The following ILRUN variants were observed in gnomAD, a reference collection of about 807,000 sequenced individuals.
ILRUN encodes protein ILRUN.
In ILRUN, 3 loss-of-function variants were observed where a neutral mutation model predicts 33.8. The ratio of observed to expected loss-of-function variants is 0.09; its 90% CI spans 0.04 to 0.23. The LOEUF (loss-of-function observed/expected upper bound fraction) is 0.23, where lower values mean the gene tolerates loss of function less well. Ranked by LOEUF, ILRUN falls within the 10% of genes least tolerant of loss-of-function variation. The pLI is 1.00. For missense variants in ILRUN, 210 were observed against 375.1 expected, an observed-to-expected ratio of 0.56 and a Z score of 3.64; for synonymous variants, 124 against 138.9, an observed-to-expected ratio of 0.89 and a Z score of 0.75.
At chr6:34,591,367 C>T (rs181362753) in intron 4 of ILRUN, among the ~76,000 whole-genome samples, 138 of 152,228 alleles carry the variant, frequency 9.1e-4, no homozygotes, top group African/African-American at 3.0e-3. Context: ...TGGTGGCACA[C>T]GTCTATGATC....
At chr6:34,680,073 CTT>C (rs1289326588) in intron 1 of ILRUN, among the ~76,000 whole-genome samples, 1 of 152,250 alleles carries the variant, frequency 6.6e-6, no homozygotes, top group Non-Finnish European at 1.5e-5. Flanking sequence ...CACTAGGAAA[CTT>C]ATACAATGTG....
intron 3 of ILRUN, among the ~76,000 whole-genome samples, chr6:34,638,063 T>C (rs1762402144): frequency 6.6e-6 from 1 of 152,048 alleles, no homozygotes; most frequent in African/African-American, 2.4e-5. Context: ...ATTTTTTGTA[T>C]TTTTGGTAGA....
intron 2 of ILRUN, among the ~76,000 whole-genome samples, chr6:34,652,288 A>G (rs1484056872): frequency 6.6e-6 from 1 of 152,228 alleles, no homozygotes; most frequent in African/African-American, 2.4e-5. Flanking sequence ...AGAAAAATAG[A>G]AAATATGGCT....
chr6:34,674,596 T>C (rs1409168369), intron 1 of ILRUN, among the ~76,000 whole-genome samples: 2 of 152,208 alleles, frequency 1.3e-5, no homozygotes, highest in African/African-American at 4.8e-5. Context: ...TGAAACAGAT[T>C]GCCTCTGGGG....
intron 4 of ILRUN, among the ~76,000 whole-genome samples, chr6:34,604,433 A>T (rs1270834025): frequency 6.6e-6 from 1 of 152,234 alleles, no homozygotes; most frequent in East Asian, 1.9e-4. Context: ...CAAGAACAGC[A>T]GCCCTCTCCT....
intron 3 of ILRUN, among the ~76,000 whole-genome samples, chr6:34,612,557 C>T: frequency 6.6e-6 from 1 of 152,258 alleles, no homozygotes. Flanking sequence ...TGTAGAAATA[C>T]ATCATAAATT....
intron 1 of ILRUN, among the ~76,000 whole-genome samples, chr6:34,694,094 G>C (rs929689649): frequency 6.6e-6 from 1 of 152,102 alleles, no homozygotes; most frequent in African/African-American, 2.4e-5. Context: ...CAAAGTGCTG[G>C]GATTATAGGC....
In ILRUN at chr6:34,646,563, T is replaced by TA. The variant is rs753157660; in HGVS notation, c.511+37dup. The TA allele has an allele frequency of 6.3e-7, 1 of 1,598,796 alleles. No individual in the cohort carries two copies. Among genetic ancestry groups the TA allele is most frequent in the Admixed American group, 1.7e-5 (1 of 59,832 alleles). ...CTGGGGATGTTATAAGATGTTACCT[T>TA]AGTTCCTTTACCCTGGGCTGCACAA... is the stretch of plus-strand genomic sequence containing the variant. On this transcript the variant is annotated intron_variant, in intron 3 of 4. Transcript: ENST00000374023. This position sits in a 1 kb window ranked among gnomAD's most constrained non-coding sequence, Gnocchi z 4.9.
At chr6:34,670,660 G>A (rs1230958150) in intron 1 of ILRUN, among the ~76,000 whole-genome samples, 4 of 151,576 alleles carry the variant, frequency 2.6e-5, no homozygotes, top group Non-Finnish European at 4.4e-5. Flanking sequence ...AGACCAGCTT[G>A]GCCAACATGG....
intron 4 of ILRUN, among the ~76,000 whole-genome samples, chr6:34,598,557 C>T (rs960773395): frequency 6.6e-6 from 1 of 152,144 alleles, no homozygotes; most frequent in Non-Finnish European, 1.5e-5. Context: ...CAAAATAAAA[C>T]ATGCTGGCAA....
At chr6:34,652,811 T>C (rs1386277116) in intron 2 of ILRUN, among the ~76,000 whole-genome samples, 1 of 152,040 alleles carries the variant, frequency 6.6e-6, no homozygotes, top group Non-Finnish European at 1.5e-5. Context: ...AAATTGTCAT[T>C]AGATGTGACA....
intron 4 of ILRUN, among the ~76,000 whole-genome samples, chr6:34,596,289 A>G (rs205259): frequency 0.45 from 67,778 of 151,954 alleles, 17,056 homozygotes; most frequent in African/African-American, 0.69. Flanking sequence ...CATTGGTCTC[A>G]CTCTGTCGCC....
At chr6:34,613,290 G>A (rs1761800772) in intron 3 of ILRUN, among the ~76,000 whole-genome samples, 1 of 152,114 alleles carries the variant, frequency 6.6e-6, no homozygotes, top group African/African-American at 2.4e-5. Context: ...ATAAGTGTAA[G>A]AGAATAAAAG....
chr6:34,593,917 T>A (rs1185249615), intron 4 of ILRUN, among the ~76,000 whole-genome samples: 1 of 152,130 alleles, frequency 6.6e-6, no homozygotes, highest in Non-Finnish European at 1.5e-5. Context: ...GGGAGTCCTA[T>A]GGCAGTAGGC....
At chr6:34,653,146 A>AAAAAAG (rs1461374099) in intron 2 of ILRUN, among the ~76,000 whole-genome samples, 2 of 138,568 alleles carry the variant, frequency 1.4e-5, no homozygotes, top group Non-Finnish European at 3.2e-5. Context: ...AAAAAAAAAA[A>AAAAAAG]AAAAAGAAAA....
intron 2 of ILRUN, among the ~76,000 whole-genome samples, chr6:34,653,147 A>AAAG (rs1249336210): frequency 6.9e-6 from 1 of 145,706 alleles, no homozygotes; most frequent in Non-Finnish European, 1.5e-5. Flanking sequence ...AAAAAAAAAA[A>AAAG]AAAAGAAAAA....
intron 1 of ILRUN, among the ~76,000 whole-genome samples, chr6:34,673,674 C>A (rs1222903631): frequency 6.6e-6 from 1 of 152,114 alleles, no homozygotes; most frequent in Non-Finnish European, 1.5e-5. Flanking sequence ...GCCTGGGCAA[C>A]ACAGTGCAAC....
At chr6:34,663,042 C>A (rs1562023410) in intron 1 of ILRUN, among the ~76,000 whole-genome samples, 1 of 150,884 alleles carries the variant, frequency 6.6e-6, no homozygotes, top group Non-Finnish European at 1.5e-5. Context: ...TACAGTGAGC[C>A]CTAATGATGC....
chr6:34,682,298 C>T (rs1474732418), intron 1 of ILRUN, among the ~76,000 whole-genome samples: 3 of 141,590 alleles, frequency 2.1e-5, no homozygotes, highest in Non-Finnish European at 4.5e-5. Flanking sequence ...CGCTCTGTCG[C>T]CCAGGCTGGA....
Sources: allele counts gnomAD v4.1 joint callset (sites outside exome capture counted in the v4.1 genomes callset), GRCh38; gene constraint gnomAD v4.1.1; non-coding constraint Gnocchi (gnomAD v3.1); transcripts MANE v1.5; gene names NCBI Gene and HGNC (gene_info 2026-07-23, HGNC 2026-07-21).